The following IL15 variants were observed in gnomAD, a reference collection of about 807,000 sequenced individuals.
The protein encoded by IL15 is interleukin 15.
IL15 carries 11 observed loss-of-function variants against 19.6 expected under a neutral mutation model. The ratio of observed to expected loss-of-function variants is 0.56; its 90% CI spans 0.35 to 0.93. IL15 has a LOEUF of 0.93. Among genes scored for constraint, IL15 ranks in the 40% least tolerant of loss-of-function variants. The pLI, the probability that IL15 is intolerant of heterozygous loss-of-function variation, is 0.01. For missense variants in IL15, 197 were observed against 186.5 expected, an observed-to-expected ratio of 1.06 and a Z score of -0.33; for synonymous variants, 58 against 59.6, an observed-to-expected ratio of 0.97 and a Z score of 0.12.
chr4:141,729,824 T>C (rs751189195), intron 6 of IL15, 23 bp from the exon 7 acceptor site: 5 of 1,362,784 alleles, frequency 3.7e-6, no homozygotes, highest in Admixed American at 1.9e-5. Context: ...AAAGTAATTG[T>C]TCTTTATAAC....
At chr4:141,682,814 C>T (rs1475610600) in intron 2 of IL15, among the ~76,000 whole-genome samples, 1 of 152,098 alleles carries the variant, frequency 6.6e-6, no homozygotes, top group East Asian at 1.9e-4. Context: ...AAAAATTAGC[C>T]GGGTGTGGTG....
intron 3 of IL15, among the ~76,000 whole-genome samples, chr4:141,720,054 A>C (rs1165363637): frequency 6.6e-6 from 1 of 152,156 alleles, no homozygotes; most frequent in Non-Finnish European, 1.5e-5. Flanking sequence ...CATGAAGTTA[A>C]TATAACTATT....
chr4:141,695,644 G>A (rs1163243768), intron 2 of IL15, among the ~76,000 whole-genome samples: 1 of 151,942 alleles, frequency 6.6e-6, no homozygotes, highest in Non-Finnish European at 1.5e-5. Context: ...ATTGTTTGAG[G>A]AACCTCTATA....
intron 2 of IL15, among the ~76,000 whole-genome samples, chr4:141,704,855 A>C (rs1278232820): frequency 3.3e-5 from 5 of 151,618 alleles, no homozygotes; most frequent in African/African-American, 1.2e-4. Context: ...CCATGTCATC[A>C]ATTATTTTGG....
intron 1 of IL15, chr4:141,637,176 C>T (rs1560895577): frequency 6.6e-6 from 1 of 152,244 alleles, no homozygotes; most frequent in Admixed American, 6.5e-5. Context: ...TCCCGCAGCC[C>T]TGAGGGCTGA....
chr4:141,697,872 T>C (rs1170238985), intron 2 of IL15, among the ~76,000 whole-genome samples: 2 of 152,216 alleles, frequency 1.3e-5, no homozygotes, highest in Admixed American at 6.5e-5. Flanking sequence ...TCCAGTACTA[T>C]GTTAAATAGA....
chr4:141,722,435 C>G (rs1016329247), intron 5 of IL15, among the ~76,000 whole-genome samples: 1 of 152,044 alleles, frequency 6.6e-6, no homozygotes, highest in African/African-American at 2.4e-5. Flanking sequence ...GTGGAAGTCT[C>G]GATGGCACCA....
intron 1 of IL15, among the ~76,000 whole-genome samples, chr4:141,654,610 A>C (rs1041601365): frequency 7.2e-5 from 11 of 152,200 alleles, no homozygotes; most frequent in African/African-American, 2.7e-4. Flanking sequence ...AAGGTCAGAC[A>C]TAAGTTTTCC....
intron 2 of IL15, among the ~76,000 whole-genome samples, chr4:141,688,192 G>A (rs1377945068): frequency 6.6e-6 from 1 of 152,154 alleles, no homozygotes; most frequent in African/African-American, 2.4e-5. Context: ...TGACAGAATA[G>A]TGACCTTACT....
chr4:141,710,317 A>G (rs1384885319), intron 2 of IL15, among the ~76,000 whole-genome samples: 1 of 152,196 alleles, frequency 6.6e-6, no homozygotes, highest in Non-Finnish European at 1.5e-5. Flanking sequence ...GGACATTCTC[A>G]GAGAGTTTTA....
intron 2 of IL15, among the ~76,000 whole-genome samples, chr4:141,693,193 T>C (rs553632336): frequency 5.3e-5 from 8 of 151,926 alleles, no homozygotes; most frequent in Admixed American, 1.3e-4. Flanking sequence ...ATAGAGACAA[T>C]GCAGGAGAAA....
chr4:141,656,831 G>T (rs1727620797), intron 2 of IL15, among the ~76,000 whole-genome samples: 1 of 152,126 alleles, frequency 6.6e-6, no homozygotes. Context: ...TCTAATTTTT[G>T]AATGAGTTTA....
intron 2 of IL15, among the ~76,000 whole-genome samples, chr4:141,703,462 G>A (rs1367586880): frequency 6.6e-6 from 1 of 152,078 alleles, no homozygotes; most frequent in African/African-American, 2.4e-5. Context: ...CACTTCCTGC[G>A]ACTGCTTCTA....
In IL15 at chr4:141,673,376, A is replaced by G. The variant is rs1385606752; in HGVS notation, c.-100+17069A>G. Among the ~76,000 whole-genome samples the G allele has an allele frequency of 2.0e-5, 3 of 152,196 alleles. No individual in the cohort carries two copies. In the East Asian group the frequency reaches 5.8e-4, roughly 29 times the overall value. On this transcript the variant is annotated intron_variant, in intron 2 of 7. Transcript: ENST00000320650. ...AATGGTTCTTTATATGATCAAGGAT[A>G]TGATTTTTCTTGATTTACTTTTATT...
At chr4:141,681,778 A>G (rs1728541102) in intron 2 of IL15, among the ~76,000 whole-genome samples, 1 of 151,954 alleles carries the variant, frequency 6.6e-6, no homozygotes, top group South Asian at 2.1e-4. Flanking sequence ...TTAATAACCC[A>G]AAGTGTCTCT....
At chr4:141,708,178 T>C (rs1579040168) in intron 2 of IL15, among the ~76,000 whole-genome samples, 1 of 152,170 alleles carries the variant, frequency 6.6e-6, no homozygotes, top group Non-Finnish European at 1.5e-5. Flanking sequence ...CTAGTGGCTG[T>C]TTGGAAGCTT....
intron 2 of IL15, among the ~76,000 whole-genome samples, chr4:141,669,289 A>G (rs1728093515): frequency 6.6e-6 from 1 of 152,228 alleles, no homozygotes; most frequent in Non-Finnish European, 1.5e-5. Flanking sequence ...CCTGGAATTT[A>G]GACACACAAT....
At chr4:141,683,386 C>T (rs1002335370) in intron 2 of IL15, among the ~76,000 whole-genome samples, 1 of 151,996 alleles carries the variant, frequency 6.6e-6, no homozygotes, top group African/African-American at 2.4e-5. Context: ...GCCTGCGCAA[C>T]ACGGTGAAAC....
chr4:141,682,480 A>C (rs1048194304), intron 2 of IL15, among the ~76,000 whole-genome samples: 4 of 152,220 alleles, frequency 2.6e-5, no homozygotes, highest in African/African-American at 9.7e-5. Flanking sequence ...TCAGAAAGTC[A>C]CTACTACTTA....
Sources: allele counts gnomAD v4.1 joint callset (sites outside exome capture counted in the v4.1 genomes callset), GRCh38; gene constraint gnomAD v4.1.1; transcripts MANE v1.5; gene names NCBI Gene and HGNC (gene_info 2026-07-23, HGNC 2026-07-21).